Variants in SLC14A2 observed in about 807,000 individuals in gnomAD.
The protein encoded by SLC14A2 is urea transporter 2.
SLC14A2 carries 91 observed loss-of-function variants against 104.6 expected under a neutral mutation model. That is an observed-to-expected ratio of 0.87 (90% CI 0.73 to 1.04). The LOEUF (loss-of-function observed/expected upper bound fraction) is 1.04, where lower values mean the gene tolerates loss of function less well. Among genes scored for constraint, SLC14A2 ranks in the 50% least tolerant of loss-of-function variants. SLC14A2 has a pLI of 0.00. For missense variants in SLC14A2, 1,189 were observed against 1,156.0 expected (o/e 1.03, Z -0.41); for synonymous variants, 476 against 466.4 (o/e 1.02, Z -0.27).
At chr18:45,593,201 C>T (rs1206388329) in intron 2 of SLC14A2, among the ~76,000 whole-genome samples, 1 of 151,858 alleles carries the variant, frequency 6.6e-6, no homozygotes, top group Non-Finnish European at 1.5e-5. Context: ...CCTGTAGTCC[C>T]AGCTACTCGG....
intron 1 of SLC14A2, among the ~76,000 whole-genome samples, chr18:45,367,236 A>G (rs1450974817): frequency 6.6e-6 from 1 of 152,166 alleles, no homozygotes; most frequent in Non-Finnish European, 1.5e-5. Context: ...AAAGGGAAAA[A>G]GACTTGACCA....
intron 2 of SLC14A2, among the ~76,000 whole-genome samples, chr18:45,517,182 G>A (rs2043452839): frequency 6.6e-6 from 1 of 152,208 alleles, no homozygotes; most frequent in African/African-American, 2.4e-5. Context: ...TGAAGACAGA[G>A]CTTTTCCCAC....
intron 2 of SLC14A2, among the ~76,000 whole-genome samples, chr18:45,589,396 C>G (rs2044615679): frequency 6.6e-6 from 1 of 152,088 alleles, no homozygotes; most frequent in South Asian, 2.1e-4. Context: ...CACACAAGGG[C>G]CCTTTGTTTT....
chr18:45,471,472 A>G (rs2087247637), intron 1 of SLC14A2, among the ~76,000 whole-genome samples: 1 of 152,164 alleles, frequency 6.6e-6, no homozygotes, highest in Admixed American at 6.5e-5. Context: ...CCGTTTTGAA[A>G]TTATACTTCT....
At chr18:45,267,489 G>A (rs1331826910) in intron 1 of SLC14A2, among the ~76,000 whole-genome samples, 1 of 152,154 alleles carries the variant, frequency 6.6e-6, no homozygotes, top group Non-Finnish European at 1.5e-5. Context: ...GATATTTTTA[G>A]GAGTGTGAGC....
chr18:45,455,331 TC>T (rs951291361), intron 1 of SLC14A2, among the ~76,000 whole-genome samples: 2 of 152,168 alleles, frequency 1.3e-5, no homozygotes, highest in African/African-American at 4.8e-5. Flanking sequence ...TAGGATGAGT[TC>T]ATGTCCTTCA....
At chr18:45,359,010 A>G (rs2085583624) in intron 1 of SLC14A2, among the ~76,000 whole-genome samples, 1 of 152,192 alleles carries the variant, frequency 6.6e-6, no homozygotes, top group Admixed American at 6.5e-5. Context: ...CAAGTTAATA[A>G]ACATCTGCAA....
At chr18:45,201,921 A>G in the SLC14A2 span, among the ~76,000 whole-genome samples, 4 of 152,152 alleles carry the variant, frequency 2.6e-5, no homozygotes, top group African/African-American at 4.8e-5. Context: ...GATAACACAG[A>G]ATTTCACCCT....
intron 1 of SLC14A2, among the ~76,000 whole-genome samples, chr18:45,453,585 T>C (rs188713134): frequency 1.8e-4 from 28 of 152,306 alleles, no homozygotes; most frequent in African/African-American, 6.3e-4. Context: ...TCATTTATTA[T>C]AGATTTTTGC....
At chr18:45,667,777 A>T in intron 13 of SLC14A2, 56 bp from the exon 14 acceptor site, 1 of 1,482,460 alleles carries the variant, frequency 6.7e-7, no homozygotes, top group Non-Finnish European at 9.4e-7. Flanking sequence ...CCATCTGCCC[A>T]CCCAGGGCTG....
chr18:45,291,294 GA>G (rs376289408), intron 1 of SLC14A2, among the ~76,000 whole-genome samples: 82 of 147,466 alleles, frequency 5.6e-4, no homozygotes, highest in Admixed American at 2.4e-3. Flanking sequence ...GTAAGAGTAA[GA>G]AAAAAAAAAG....
chr18:45,583,492 T>G (rs2044527028), intron 2 of SLC14A2, among the ~76,000 whole-genome samples: 1 of 152,226 alleles, frequency 6.6e-6, no homozygotes. Context: ...AAAGCAGGAC[T>G]GTGATTTATT....
At chr18:45,262,880 T>G (rs2084554147) in intron 1 of SLC14A2, among the ~76,000 whole-genome samples, 1 of 152,216 alleles carries the variant, frequency 6.6e-6, no homozygotes, top group Non-Finnish European at 1.5e-5. Context: ...CTTTGTATTT[T>G]GAAAGAATTT....
At chr18:45,284,356 C>T (rs2084792448) in intron 1 of SLC14A2, among the ~76,000 whole-genome samples, 1 of 152,104 alleles carries the variant, frequency 6.6e-6, no homozygotes, top group South Asian at 2.1e-4. Flanking sequence ...ATGGGAGGCA[C>T]TGTTGGGAGA....
chr18:45,444,884 C>T (rs1444699220), intron 1 of SLC14A2, among the ~76,000 whole-genome samples: 1 of 152,170 alleles, frequency 6.6e-6, no homozygotes, highest in Non-Finnish European at 1.5e-5. Context: ...GTTGTCAATT[C>T]AGCTAATAGC....
chr18:45,193,645 G>A, the SLC14A2 span, among the ~76,000 whole-genome samples: 1 of 152,146 alleles, frequency 6.6e-6, no homozygotes, highest in Non-Finnish European at 1.5e-5. Context: ...ATCAGGTAGT[G>A]TTAGCCATCT....
chr18:45,663,456 G>A (rs1348383492), intron 10 of SLC14A2, among the ~76,000 whole-genome samples: 1 of 152,178 alleles, frequency 6.6e-6, no homozygotes, highest in Non-Finnish European at 1.5e-5. Flanking sequence ...AGTCCAAGAC[G>A]CTGGCTGCCA....
intron 2 of SLC14A2, among the ~76,000 whole-genome samples, chr18:45,569,203 T>TTCTA (rs1004408129): frequency 1.1e-4 from 16 of 152,312 alleles, no homozygotes; most frequent in African/African-American, 3.6e-4. Context: ...TTCTATTTAT[T>TTCTA]TCTATCTTCA....
intron 2 of SLC14A2, among the ~76,000 whole-genome samples, chr18:45,511,099 T>TG (rs2043359919): frequency 6.6e-6 from 1 of 151,314 alleles, no homozygotes; most frequent in Non-Finnish European, 1.5e-5. Flanking sequence ...TTATTGTTGT[T>TG]TTTTTTTCTT....
Sources: gnomAD v4.1 joint callset for allele counts (sites outside exome capture counted in the v4.1 genomes callset) on GRCh38, gnomAD v4.1.1 for gene constraint, MANE v1.5 for transcripts, NCBI Gene and HGNC (gene_info 2026-07-23, HGNC 2026-07-21) for gene names.